SHCBP1L: variants seen among roughly 807,000 people sequenced by gnomAD.
SHCBP1L encodes testicular spindle-associated protein SHCBP1L.
SHCBP1L carries 67 observed loss-of-function variants against 62.5 expected under a neutral mutation model. The observed-to-expected ratio is 1.07, with a 90% CI of 0.88 to 1.31. SHCBP1L has a LOEUF of 1.31. Among genes scored for constraint, SHCBP1L ranks in the 40% most tolerant of loss-of-function variants. The pLI is 0.00. For missense variants in SHCBP1L, 823 were observed against 809.8 expected, an observed-to-expected ratio of 1.02 and a Z score of -0.20; for synonymous variants, 284 against 289.4, an observed-to-expected ratio of 0.98 and a Z score of 0.19.
intron 6 of SHCBP1L, among the ~76,000 whole-genome samples, chr1:182,907,559 ATTC>A (rs1049904575): frequency 4.1e-4 from 62 of 149,876 alleles, no homozygotes; most frequent in African/African-American, 1.3e-3. Context: ...TATCTTTCTT[ATTC>A]TTATTATTAT....
At chr1:182,906,975 GC>G (rs1178545168) in intron 6 of SHCBP1L, among the ~76,000 whole-genome samples, 1 of 151,882 alleles carries the variant, frequency 6.6e-6, no homozygotes, top group Non-Finnish European at 1.5e-5. Context: ...ACATTGCCAT[GC>G]CTGGGTAATT....
chr1:182,926,644 A>G (rs1337989194), intron 6 of SHCBP1L, among the ~76,000 whole-genome samples: 1 of 152,106 alleles, frequency 6.6e-6, no homozygotes, highest in Non-Finnish European at 1.5e-5. Context: ...CTTAAAGTCT[A>G]TGTTCTCCAA....
In SHCBP1L at chr1:182,929,663, A is replaced by AT; in HGVS notation, c.1165dup (p.Met389AsnfsTer5). The AT allele has an allele frequency of 6.4e-7, 1 of 1,567,900 alleles. No individual in the cohort carries two copies. Among genetic ancestry groups the AT allele is most frequent in the Non-Finnish European group, 8.6e-7 (1 of 1,162,306 alleles). On this transcript the variant is annotated frameshift_variant, in exon 6 of 10. Coordinates refer to ENST00000367547, the MANE Select transcript of SHCBP1L (RefSeq NM_030933.4). LOFTEE classifies it high-confidence loss of function. Reference sequence around the variant, plus strand: ...ATTTCTTACCATTTCAGTAGTCATCATTTTTGCTACAATATGTGTTATAGT... The same window carrying AT: ...ATTTCTTACCATTTCAGTAGTCATCATTTTTTGCTACAATATGTGTTATAGT...
chr1:182,930,575 A>G (rs1189025957), intron 5 of SHCBP1L, among the ~76,000 whole-genome samples: 1 of 130,398 alleles, frequency 7.7e-6, no homozygotes, highest in Non-Finnish European at 1.6e-5. Context: ...ATATATATAT[A>G]TATATATATA....
chr1:182,913,428 G>A (rs925312098), intron 6 of SHCBP1L, among the ~76,000 whole-genome samples: 5 of 152,136 alleles, frequency 3.3e-5, no homozygotes, highest in African/African-American at 1.2e-4. Context: ...TTACTTGCTG[G>A]CAGGGAGAAA....
chr1:182,949,554 G>A (rs959807511), intron 2 of SHCBP1L, among the ~76,000 whole-genome samples: 2 of 151,722 alleles, frequency 1.3e-5, no homozygotes, highest in Admixed American at 6.6e-5. Context: ...AAAATTAGCC[G>A]GGTGTGGTGG....
chr1:182,912,681 C>T (rs543595837), intron 6 of SHCBP1L, among the ~76,000 whole-genome samples: 1 of 152,068 alleles, frequency 6.6e-6, no homozygotes, highest in African/African-American at 2.4e-5. Context: ...CACCACCACA[C>T]CCAGCAAATT....
rs74129625 is a variant in SHCBP1L at position 182,929,678 on chromosome 1, T to C, written c.1151A>G (p.His384Arg). The C allele has an allele frequency of 6.3e-7, 1 of 1,582,544 alleles. No individual in the cohort carries two copies. Among genetic ancestry groups the C allele is most frequent in the Non-Finnish European group, 8.5e-7 (1 of 1,171,262 alleles). Residue 384 changes from histidine to arginine, a missense_variant, in exon 6 of 10, where the codon CAT becomes CGT. Transcript: ENST00000367547. The part of the protein sequence containing the change: ...GKREFGKTIT[H>R]IVAKMMTTEM... ...AGTAGTCATCATTTTTGCTACAATA[T>C]GTGTTATAGTCTTTCCAAATTCTCT...
rs763927951 is a variant in SHCBP1L at position 182,905,623 on chromosome 1, A to G, written c.1209T>C (p.Leu403=). The change falls in exon 7 of 10, where the codon CTT becomes CTC. Residue 403 remains leucine (L), a synonymous_variant. Coordinates refer to ENST00000367547, the MANE Select transcript of SHCBP1L (RefSeq NM_030933.4). ...AATCCAAATCACCATGCTGTTGGAG[A>G]AGTGTGTCTGAAGATAAATCCTTTA... is the stretch of plus-strand genomic sequence containing the variant. ...EMIKDLSSDT[L]LQQHGDLDLA... 3.1e-6 allele frequency: 5 copies of G among 1,613,586 alleles called. No individual in the cohort carries two copies. The Admixed American group carries it at 5.0e-5, about 16-fold the overall frequency.
At chr1:182,934,252 T>G (rs771023915) in intron 5 of SHCBP1L, among the ~76,000 whole-genome samples, 8 of 151,766 alleles carry the variant, frequency 5.3e-5, no homozygotes, top group South Asian at 2.1e-4. Flanking sequence ...TTTCACTTTG[T>G]AAGAAACTGC....
At chr1:182,923,963 A>G (rs1340047318) in intron 6 of SHCBP1L, among the ~76,000 whole-genome samples, 2 of 152,196 alleles carry the variant, frequency 1.3e-5, no homozygotes, top group African/African-American at 4.8e-5. Flanking sequence ...TAGAGACTAT[A>G]TGATTTTATA....
chr1:182,911,352 TAA>T (rs1650180478), intron 6 of SHCBP1L, among the ~76,000 whole-genome samples: 1 of 152,138 alleles, frequency 6.6e-6, no homozygotes, highest in South Asian at 2.1e-4. Context: ...GCTGCAGTCA[TAA>T]ACAACCGAAA....
chr1:182,906,125 G>A (rs1310621460), intron 6 of SHCBP1L, among the ~76,000 whole-genome samples: 1 of 151,918 alleles, frequency 6.6e-6, no homozygotes, highest in Non-Finnish European at 1.5e-5. Flanking sequence ...TAGTAGAGAC[G>A]GGGTTTCTCC....
At chr1:182,938,419 A>AT (rs1166431676) in intron 5 of SHCBP1L, among the ~76,000 whole-genome samples, 1 of 148,922 alleles carries the variant, frequency 6.7e-6, no homozygotes, top group South Asian at 2.1e-4. Flanking sequence ...TTCTTCTTTT[A>AT]TTTTTTTCTT....
At chr1:182,924,919 G>GA (rs768710496) in intron 6 of SHCBP1L, among the ~76,000 whole-genome samples, 10 of 73,026 alleles carry the variant, frequency 1.4e-4, no homozygotes, top group African/African-American at 1.7e-4. Context: ...GAAAGGAAAG[G>GA]AAGGAAGGAA....
At chr1:182,919,566 T>C (rs1428404080) in intron 6 of SHCBP1L, among the ~76,000 whole-genome samples, 1 of 152,116 alleles carries the variant, frequency 6.6e-6, no homozygotes, top group Admixed American at 6.5e-5. Flanking sequence ...AGCAGCTGAA[T>C]TTCCTCAAAG....
chr1:182,930,751 T>TA lies in SHCBP1L; in HGVS notation c.1077-1000dup, dbSNP rs1650972556. ...TATTTTTTTTTTTTTTTTTTTTTTT[T>TA]ATTAAAGACAGGGTCTTACCCTGGA... On this transcript the variant is annotated intron_variant, in intron 5 of 9. Transcript: ENST00000367547. Among the ~76,000 whole-genome samples the TA allele has an allele frequency of 3.1e-5, 4 of 127,028 alleles. 1 individual carries two copies. Among genetic ancestry groups the TA allele is most frequent in the East Asian group, 2.1e-4 (1 of 4,664 alleles). 83.3% of individuals were successfully genotyped at this position (127,028 alleles called of 152,430 possible).
At chr1:182,904,519 G>A in intron 7 of SHCBP1L, 89 bp from the exon 8 acceptor site, 2 of 1,339,580 alleles carry the variant, frequency 1.5e-6, no homozygotes, top group South Asian at 2.7e-5. Context: ...TGTTACTAAA[G>A]TTTTTCCCTG....
intron 6 of SHCBP1L, among the ~76,000 whole-genome samples, chr1:182,926,598 A>G (rs779918228): frequency 6.6e-6 from 1 of 152,184 alleles, no homozygotes; most frequent in African/African-American, 2.4e-5. Context: ...AAATATTAAG[A>G]AGCAAAACTG....
Sources: allele counts gnomAD v4.1 joint callset (sites outside exome capture counted in the v4.1 genomes callset), GRCh38; gene constraint gnomAD v4.1.1; transcripts MANE v1.5; gene names NCBI Gene and HGNC (gene_info 2026-07-23, HGNC 2026-07-21).